Variants in EML1 observed in about 807,000 individuals in gnomAD.
EML1 encodes EMAP like 1, also known as echinoderm microtubule-associated protein-like 1.
A neutral mutation model predicts 110.4 loss-of-function variants in EML1; 27 were observed. That is an observed-to-expected ratio of 0.24 (90% CI 0.18 to 0.34). The LOEUF (loss-of-function observed/expected upper bound fraction) is 0.34. EML1 is among the 10% of genes least tolerant of loss of function. The probability of loss-of-function intolerance (pLI) is 1.00; values close to 1 mark genes in which losing one functional copy is unlikely to be tolerated. For missense variants in EML1, 741 were observed against 1,030.9 expected (o/e 0.72, Z 3.85); for synonymous variants, 344 against 385.8 (o/e 0.89, Z 1.27).
In EML1 at chr14:99,829,631, C is replaced by T. The variant is rs992075846; in HGVS notation, c.68-21222C>T. On this transcript the variant is annotated intron_variant, in intron 1 of 21. Coordinates refer to ENST00000262233, the MANE Select transcript of EML1 (RefSeq NM_004434.3). ...CTCAATGAAGCAGCACCTCCCCATC[C>T]CTCCCGCCTCCCAGCCCGTGGTAAC... Among the ~76,000 whole-genome samples, 34 of 152,260 alleles carry T rather than the reference C, an allele frequency of 2.2e-4. 1 individual carries two copies. Among genetic ancestry groups the T allele is most frequent in the African/African-American group, 7.9e-4 (33 of 41,542 alleles).
Position 99,850,893 on chromosome 14 carries a change from C to G in EML1, c.108C>G (p.Asp36Glu). The change falls in exon 2 of 22, where the codon GAC becomes GAG. Residue 36 changes from aspartate to glutamate, a missense_variant. Transcript: ENST00000262233. ...ASAASSMEVT[D>E]RIASLEQRVQ... ...CTGCAAGTAGCATGGAGGTGACAGA[C>G]CGCATTGCTTCACTGGAGCAGAGAG... The G allele has an allele frequency of 6.2e-7, 1 of 1,614,152 alleles. No homozygotes were observed. The highest frequency in any genetic ancestry group is 8.5e-7 in the Non-Finnish European group (1 of 1,180,018).
intron 1 of EML1, among the ~76,000 whole-genome samples, chr14:99,839,864 T>A: frequency 6.6e-6 from 1 of 152,170 alleles, no homozygotes; most frequent in East Asian, 1.9e-4. Context: ...GACACAGGGT[T>A]CCTAACTGAC....
intron 1 of EML1, among the ~76,000 whole-genome samples, chr14:99,752,855 AG>A (rs1181399658): frequency 6.6e-6 from 1 of 151,880 alleles, no homozygotes; most frequent in East Asian, 1.9e-4. Flanking sequence ...TTTAAACAGC[AG>A]GTTTTTTTTT....
intron 1 of EML1, among the ~76,000 whole-genome samples, chr14:99,843,137 C>A (rs893910328): frequency 6.6e-6 from 1 of 152,092 alleles, no homozygotes; most frequent in Non-Finnish European, 1.5e-5. Flanking sequence ...ATCTGTACTT[C>A]CAACTACTCG....
chr14:99,797,125 C>T (rs1450755974), intron 1 of EML1, among the ~76,000 whole-genome samples: 3 of 152,146 alleles, frequency 2.0e-5, no homozygotes, highest in Non-Finnish European at 4.4e-5. Flanking sequence ...CCCCATCGCC[C>T]TCACCCCTGG....
intron 1 of EML1, among the ~76,000 whole-genome samples, chr14:99,751,017 A>G (rs2057168979): frequency 6.6e-6 from 1 of 152,122 alleles, no homozygotes; most frequent in African/African-American, 2.4e-5. Flanking sequence ...AAATGTTTTT[A>G]AAGACCTTCC....
intron 4 of EML1, among the ~76,000 whole-genome samples, chr14:99,887,414 A>G (rs926125719): frequency 6.6e-6 from 1 of 152,130 alleles, no homozygotes; most frequent in Admixed American, 6.5e-5. Context: ...TAGTTCTGTC[A>G]TGGGCTTCAG....
rs151198888 is a variant in EML1 at position 99,874,412 on chromosome 14, C to G, written c.384-4073C>G. Among the ~76,000 whole-genome samples, 171 of 152,322 alleles carry G rather than the reference C, an allele frequency of 1.1e-3. 1 individual carries two copies. Among genetic ancestry groups the G allele is most frequent in the African/African-American group, 3.7e-3 (155 of 41,564 alleles). On this transcript the variant is annotated intron_variant, in intron 3 of 21. Transcript: ENST00000262233. Reference sequence around the variant, plus strand: ...AAAATATACTGCATTATTGCACAGTCTCTCACAAGCCAGTACTTCTACCAC... The same window carrying G: ...AAAATATACTGCATTATTGCACAGTGTCTCACAAGCCAGTACTTCTACCAC...
chr14:99,826,650 C>T lies in EML1; in HGVS notation c.68-24203C>T, dbSNP rs566336073. Among the ~76,000 whole-genome samples, 53 of 151,946 alleles carry T rather than the reference C, an allele frequency of 3.5e-4. 1 individual carries two copies. The South Asian group carries it at 0.01, about 30-fold the overall frequency. On this transcript the variant is annotated intron_variant, in intron 1 of 21. Coordinates refer to ENST00000262233, the MANE Select transcript of EML1 (RefSeq NM_004434.3). ...GGACACTTCTTTGTTCATTGACTAA[C>T]GCCACTGCTGTGTAACACCGTGGTA...
rs1348884350 is a variant in EML1, at chr14:99,939,043, C to A, written c.2192-154C>A. 6.6e-6 allele frequency among the ~76,000 whole-genome samples: 1 copy of A among 152,216 alleles called. No homozygotes were observed. Among genetic ancestry groups the A allele is most frequent in the Non-Finnish European group, 1.5e-5 (1 of 68,044 alleles). On this transcript the variant is annotated intron_variant, in intron 20 of 21. Coordinates refer to ENST00000262233, the MANE Select transcript of EML1 (RefSeq NM_004434.3). This position sits in a 1 kb window ranked among gnomAD's most constrained non-coding sequence, Gnocchi z 4.2. ...GGAGACTGGGCGCACAGCGAGAGGC[C>A]AGGAACTGAGGCTATTGTGCTTTTT...
At chr14:99,757,902 G>A (rs1475814283) in intron 1 of EML1, among the ~76,000 whole-genome samples, 1 of 152,184 alleles carries the variant, frequency 6.6e-6, no homozygotes, top group East Asian at 1.9e-4. Flanking sequence ...AGGAGGGGAG[G>A]AAACTTGCAT....
In EML1 at chr14:99,907,684, T is replaced by G; in HGVS notation, c.1055T>G (p.Val352Gly). The G allele has an allele frequency of 6.2e-7, 1 of 1,614,210 alleles. No homozygotes were observed. The highest frequency in any genetic ancestry group is 8.5e-7 in the Non-Finnish European group (1 of 1,180,010). ...LCAVDDSNDH[V>G]LSVWDWQKEE... ...GCTGTGGATGACTCCAACGACCATG[T>G]GCTCTCTGTATGGGACTGGCAGAAA... The change falls in exon 10 of 22, where the codon GTG becomes GGG. Residue 352 changes from valine (V) to glycine (G), a missense_variant. Around this residue, in one of 4 missense-constraint regions of EML1, gnomAD observed 388 missense variants for 605.6 expected, o/e 0.64. Transcript: ENST00000262233.
Position 99,794,339 on chromosome 14 carries a change from CT to C in EML1, c.67+810del, listed in dbSNP as rs113918392. Among the ~76,000 whole-genome samples the C allele has an allele frequency of 6.5e-3, 910 of 140,948 alleles. 5 individuals are homozygous for C. Among genetic ancestry groups the C allele is most frequent in the Middle Eastern group, 0.015 (4 of 272 alleles). 92.5% of individuals were successfully genotyped at this position (140,948 alleles called of 152,430 possible). A position where few individuals can be genotyped will look rare whatever the true frequency, so the allele number is the denominator to read the frequency against. On this transcript the variant is annotated intron_variant, in intron 1 of 21. Transcript: ENST00000262233. ...AATTCACGCACAAAAGTTAACCACA[CT>C]TTTTTTTTTTTTTACATGTTGGATT...
chr14:99,801,570 G>A (rs1052932625), intron 1 of EML1, among the ~76,000 whole-genome samples: 1 of 151,694 alleles, frequency 6.6e-6, no homozygotes, highest in African/African-American at 2.4e-5. Context: ...AGCCAAGATC[G>A]TGCCACTGCA....
intron 17 of EML1, among the ~76,000 whole-genome samples, chr14:99,922,315 C>T (rs1191848001): frequency 6.6e-6 from 1 of 152,094 alleles, no homozygotes. Flanking sequence ...GGGATTTCGC[C>T]ATATTGGCCA....
chr14:99,930,301 T>C (rs1021230826), intron 17 of EML1, among the ~76,000 whole-genome samples: 1 of 152,236 alleles, frequency 6.6e-6, no homozygotes, highest in Non-Finnish European at 1.5e-5. Context: ...GTTTCAGTTG[T>C]TGGTCTATAC....
In EML1 at chr14:99,785,047, TTTTTCTTTTTC is replaced by T. The variant is rs1284697817; in HGVS notation, c.-27+11045_-27+11055del. 2.6e-5 allele frequency among the ~76,000 whole-genome samples: 4 copies of T among 152,204 alleles called. No individual in the cohort carries two copies. The South Asian group carries it at 6.2e-4, about 24-fold the overall frequency. ...GACTTCGCTATGTAGGCTTCTTTTT[TTTTTCTTTTTC>T]TTTTCTTTTTTTTCAAATGGAGTTT... On this transcript the variant is annotated intron_variant, in intron 1 of 22. Transcript: ENST00000327921.
intron 5 of EML1, 128 bp from the exon 6 acceptor site, chr14:99,894,501 A>C (rs1428499392): frequency 8.9e-7 from 1 of 1,123,790 alleles, no homozygotes; most frequent in African/African-American, 1.6e-5. Flanking sequence ...TTTCCCTAGG[A>C]TATCAATTAG....
In EML1 at chr14:99,784,016, ACTG is replaced by A. The variant is rs1335065530; in HGVS notation, c.-27+10005_-27+10007del. 6.6e-6 allele frequency among the ~76,000 whole-genome samples: 1 copy of A among 152,262 alleles called. No homozygotes were observed. Among genetic ancestry groups the A allele is most frequent in the Non-Finnish European group, 1.5e-5 (1 of 68,050 alleles). On this transcript the variant is annotated intron_variant, in intron 1 of 22. Transcript: ENST00000327921. This position sits in a 1 kb window ranked among gnomAD's most constrained non-coding sequence, Gnocchi z 4.5. ...ACGGTTGGAAATTCATTTGCAATCTACTGCGGTGCCCGCACTATTGCATGAATT... is the reference window on the plus strand; with the variant it reads ...ACGGTTGGAAATTCATTTGCAATCTACGGTGCCCGCACTATTGCATGAATT...
Sources: allele counts gnomAD v4.1 joint callset (sites outside exome capture counted in the v4.1 genomes callset), GRCh38; gene constraint gnomAD v4.1.1; regional missense constraint gnomAD v4.1.1; non-coding constraint Gnocchi (gnomAD v3.1); transcripts MANE v1.5; gene names NCBI Gene and HGNC (gene_info 2026-07-23, HGNC 2026-07-21).